The following FAM3B variants were observed in gnomAD, a reference collection of about 807,000 sequenced individuals.
FAM3B encodes the protein FAM3 metabolism regulating signaling molecule B, also known as protein FAM3B.
FAM3B carries 29 observed loss-of-function variants against 28.4 expected under a neutral mutation model. That is an observed-to-expected ratio of 1.02 (90% CI 0.76 to 1.39). The LOEUF is 1.39. Ranked by LOEUF, FAM3B falls within the 40% of genes most tolerant of loss-of-function variation. The pLI is 0.00. For missense variants in FAM3B, 266 were observed against 293.9 expected (o/e 0.91, Z 0.69); for synonymous variants, 91 against 103.0 (o/e 0.88, Z 0.71).
rs1601354992 is a variant in FAM3B at position 41,326,546 on chromosome 21, G to C, written c.163+3480G>C. ...AAACAGGACTCTCACTTTGCAGAGC[G>C]CCAGGGGCTGCAAGTCTAGAAGCTG... On this transcript the variant is annotated intron_variant, in intron 2 of 7. Transcript: ENST00000357985. The surrounding 1 kb of genome is among the most constrained non-coding windows in gnomAD (Gnocchi z 4.0). Among the ~76,000 whole-genome samples, 1 of 152,204 alleles carries C rather than the reference G, an allele frequency of 6.6e-6. No individual in the cohort carries two copies. Among genetic ancestry groups the C allele is most frequent in the South Asian group, 2.1e-4 (1 of 4,832 alleles).
At chr21:41,319,106 G>A (rs1225566043) in intron 1 of FAM3B, among the ~76,000 whole-genome samples, 4 of 152,044 alleles carry the variant, frequency 2.6e-5, no homozygotes, top group Non-Finnish European at 5.9e-5. Context: ...TGCCTAGGCT[G>A]GTCTTGAACT....
chr21:41,322,929 T>G lies in FAM3B; in HGVS notation c.26T>G (p.Leu9Arg). The change falls in exon 2 of 8, where the codon CTC becomes CGC. Residue 9 changes from leucine to arginine, a missense_variant. By Grantham distance (102) the Leu-to-Arg change is moderately radical. Coordinates refer to ENST00000357985, the MANE Select transcript of FAM3B (RefSeq NM_058186.4). MRPLAGGL[L>R]KVVFVVFASL... Reference sequence around the variant, plus strand: ...CTTGGTGTCCTCTCTGCAGGCCTGCTCAAGGTGGTGTTCGTGGTCTTCGCC... The same window carrying G: ...CTTGGTGTCCTCTCTGCAGGCCTGCGCAAGGTGGTGTTCGTGGTCTTCGCC... The G allele has an allele frequency of 6.2e-7, 1 of 1,614,036 alleles. No homozygotes were observed. The highest frequency in any genetic ancestry group is 2.2e-5 in the East Asian group (1 of 44,874).
At chr21:41,348,816 C>T in intron 7 of FAM3B, 92 bp downstream of exon 7, 1 of 1,401,014 alleles carries the variant, frequency 7.1e-7, no homozygotes, top group East Asian at 2.3e-5. Context: ...AACTCCGTCT[C>T]CAAACATAAG....
At chr21:41,345,098 TA>T (rs998210701) in intron 4 of FAM3B, among the ~76,000 whole-genome samples, 6 of 152,034 alleles carry the variant, frequency 3.9e-5, no homozygotes, top group African/African-American at 1.2e-4. Context: ...GAAGTGAAGA[TA>T]AAATGCTCCC....
chr21:41,310,886 T>C lies in FAM3B; in HGVS notation n.99+6576T>C, dbSNP rs145094588. ...TGTTATCCCATTTAATCTTAACAGT[T>C]CCTAAAAGGATATTTTTTCCCCATT... is the stretch of plus-strand genomic sequence containing the variant. On this transcript the variant is annotated intron_variant and non_coding_transcript_variant, in intron 1 of 9. Transcript: ENST00000479810. Among the ~76,000 whole-genome samples the C allele has an allele frequency of 7.7e-4, 117 of 152,274 alleles. 1 individual carries two copies. Among genetic ancestry groups the C allele is most frequent in the Admixed American group, 2.0e-3 (31 of 15,296 alleles).
intron 1 of FAM3B, among the ~76,000 whole-genome samples, chr21:41,310,134 C>T (rs2123684054): frequency 6.6e-6 from 1 of 152,290 alleles, no homozygotes; most frequent in South Asian, 2.1e-4. Context: ...CAACATCTTC[C>T]TTGTCTCTTG....
At chr21:41,322,812 C>A (rs1268873878) in intron 1 of FAM3B, 111 bp from the exon 2 acceptor site, 3 of 1,540,216 alleles carry the variant, frequency 1.9e-6, no homozygotes, top group Non-Finnish European at 2.7e-6. Flanking sequence ...GCCTATAGCG[C>A]AGTCCCCTGA....
At chr21:41,347,974 G>A (rs1401901796) in intron 6 of FAM3B, among the ~76,000 whole-genome samples, 1 of 152,118 alleles carries the variant, frequency 6.6e-6, no homozygotes, top group African/African-American at 2.4e-5. Flanking sequence ...AAATTTATCA[G>A]ATTCCTTTTT....
At chr21:41,345,990 G>T in intron 5 of FAM3B, 3 of 272,608 alleles carry the variant, frequency 1.1e-5, no homozygotes, top group Non-Finnish European at 6.8e-6. Flanking sequence ...TAGCTCTCAT[G>T]ATATAATAAG....
chr21:41,346,936 C>G (rs1337114697), intron 5 of FAM3B, 77 bp from the exon 6 acceptor site: 7 of 1,274,056 alleles, frequency 5.5e-6, no homozygotes, highest in Admixed American at 5.0e-5. Flanking sequence ...AATGCAGGTG[C>G]AGGAGGAAGC....
intron 1 of FAM3B, among the ~76,000 whole-genome samples, chr21:41,308,025 A>C (rs2123682687): frequency 6.6e-6 from 1 of 152,330 alleles, no homozygotes; most frequent in South Asian, 2.1e-4. Context: ...GAAGCACAAT[A>C]AAGTGAGGTG....
At chr21:41,329,573 CTTTT>C (rs1166660173) in intron 2 of FAM3B, among the ~76,000 whole-genome samples, 1 of 143,562 alleles carries the variant, frequency 7.0e-6, no homozygotes. Context: ...TTTCTTTTTC[CTTTT>C]TTTTTTTTTT....
At chr21:41,350,227 C>A (rs1158868717) in intron 7 of FAM3B, among the ~76,000 whole-genome samples, 1 of 152,176 alleles carries the variant, frequency 6.6e-6, no homozygotes, top group Non-Finnish European at 1.5e-5. Context: ...GCAGTGTGCA[C>A]CCCATTCTCC....
chr21:41,349,244 A>G (rs934585360), intron 7 of FAM3B, among the ~76,000 whole-genome samples: 8 of 152,208 alleles, frequency 5.3e-5, no homozygotes, highest in African/African-American at 1.9e-4. Flanking sequence ...TGGCGTTCTC[A>G]CTTATTAACC....
chr21:41,351,964 C>T (rs1489272172), intron 7 of FAM3B, among the ~76,000 whole-genome samples: 2 of 152,314 alleles, frequency 1.3e-5, no homozygotes, highest in East Asian at 1.9e-4. Context: ...AGGCCTGCGC[C>T]TCTTCTGCAC....
At chr21:41,349,857 C>G (rs2838019) in intron 7 of FAM3B, among the ~76,000 whole-genome samples, 1 of 152,162 alleles carries the variant, frequency 6.6e-6, no homozygotes, top group African/African-American at 2.4e-5. Context: ...CCCCTTGTGA[C>G]TTCATGTTCC....
intron 2 of FAM3B, among the ~76,000 whole-genome samples, chr21:41,328,512 A>C (rs1045155778): frequency 6.6e-6 from 1 of 152,094 alleles, no homozygotes; most frequent in African/African-American, 2.4e-5. Flanking sequence ...AAAAAAAAAA[A>C]CATTAAGTTA....
At chr21:41,317,103 G>C (rs550578929) in intron 1 of FAM3B, among the ~76,000 whole-genome samples, 2 of 152,220 alleles carry the variant, frequency 1.3e-5, no homozygotes, top group Non-Finnish European at 2.9e-5. Flanking sequence ...TTTCCAGCAG[G>C]GTTCCCCGAC....
In FAM3B at chr21:41,335,679, G is replaced by T. The variant is rs140075192; in HGVS notation, c.164-2699G>T. The stretch of plus-strand genomic sequence containing the variant: ...TTCTTTATAAATGACCCAGTCTCAG[G>T]TATTTCTTTATAGCAATGGGATAGC... On this transcript the variant is annotated intron_variant, in intron 2 of 7. Coordinates refer to ENST00000357985, the MANE Select transcript of FAM3B (RefSeq NM_058186.4). Among the ~76,000 whole-genome samples the T allele has an allele frequency of 5.3e-3, 811 of 152,274 alleles. 7 individuals are homozygous for T. Among genetic ancestry groups the T allele is most frequent in the African/African-American group, 0.017 (710 of 41,550 alleles).
Sources: gnomAD v4.1 joint callset for allele counts (sites outside exome capture counted in the v4.1 genomes callset) on GRCh38, gnomAD v4.1.1 for gene constraint, Gnocchi (gnomAD v3.1) non-coding constraint, MANE v1.5 for transcripts, NCBI Gene and HGNC (gene_info 2026-07-23, HGNC 2026-07-21) for gene names.